MYPN: variants seen among roughly 807,000 people sequenced by gnomAD.
MYPN encodes sarcomeric protein myopalladin, 145 kDa (MYOP).
In MYPN, 63 loss-of-function variants were observed where a neutral mutation model predicts 129.4. The observed-to-expected ratio is 0.49, with a 90% CI of 0.40 to 0.60. MYPN has a LOEUF of 0.60. Among genes scored for constraint, MYPN ranks in the 20% least tolerant of loss-of-function variants. The probability of loss-of-function intolerance (pLI) is 0.00; values close to 1 mark genes in which losing one functional copy is unlikely to be tolerated. For synonymous variants in MYPN, 629 were observed against 600.9 expected, an observed-to-expected ratio of 1.05 and a Z score of -0.68; for missense variants, 1,596 against 1,635.4, an observed-to-expected ratio of 0.98 and a Z score of 0.42.
At chr10:68,115,277 A>G (rs1163201146) in intron 1 of MYPN, among the ~76,000 whole-genome samples, 2 of 151,790 alleles carry the variant, frequency 1.3e-5, no homozygotes, top group Non-Finnish European at 2.9e-5. Context: ...AAAAAAAAAA[A>G]AAAGTCAAAT....
intron 2 of MYPN, among the ~76,000 whole-genome samples, chr10:68,129,151 G>A (rs779485797): frequency 1.6e-4 from 24 of 152,064 alleles, no homozygotes; most frequent in African/African-American, 4.1e-4. Flanking sequence ...GCCACATCTC[G>A]GACCCACTGA....
chr10:68,179,088 C>T (rs1206128732), intron 12 of MYPN, among the ~76,000 whole-genome samples: 1 of 151,970 alleles, frequency 6.6e-6, no homozygotes, highest in Non-Finnish European at 1.5e-5. Flanking sequence ...CCTTTTGTTC[C>T]TCTAATCTCC....
chr10:68,182,325 TATATATAACACACACATATATAAC>T (rs1564686721), intron 12 of MYPN, among the ~76,000 whole-genome samples: 6 of 63,014 alleles, frequency 9.5e-5, no homozygotes, highest in African/African-American at 2.8e-4. Flanking sequence ...ATATATAACA[TATATATAACACACACATATATAAC>T]ATATATATAA....
chr10:68,211,922 G>C lies in MYPN; in HGVS notation c.*1467G>C, dbSNP rs551108204. 2.4e-6 allele frequency: 1 copy of C among 420,354 alleles called. No homozygotes were observed. The highest frequency in any genetic ancestry group is 1.7e-5 in the South Asian group (1 of 59,380). The allele number at this position is 420,354 out of a possible 1,614,324, so 26.0% of individuals were successfully genotyped here. On this transcript the variant is annotated 3_prime_UTR_variant, in exon 20 of 20. Transcript: ENST00000358913. The stretch of plus-strand genomic sequence containing the variant: ...AGCACACTCAGCTGGCATTGTATTT[G>C]TGTGAACAGACAGTAACTGCTTAGA...
intron 12 of MYPN, among the ~76,000 whole-genome samples, chr10:68,187,630 C>A (rs1406232615): frequency 1.3e-5 from 2 of 152,062 alleles, no homozygotes; most frequent in African/African-American, 2.4e-5. Flanking sequence ...CCATTAGACA[C>A]CATAATGTAG....
At chr10:68,166,830 A>C (rs1160564400) in intron 10 of MYPN, among the ~76,000 whole-genome samples, 164 bp downstream of exon 10, 1 of 151,990 alleles carries the variant, frequency 6.6e-6, no homozygotes, top group Non-Finnish European at 1.5e-5. Flanking sequence ...GGAATTCGAG[A>C]CCAGCCGGGG....
At chr10:68,091,367 T>A (rs1416692108) in intron 1 of MYPN, among the ~76,000 whole-genome samples, 1 of 150,840 alleles carries the variant, frequency 6.6e-6, no homozygotes, top group Non-Finnish European at 1.5e-5. Context: ...CATATATACA[T>A]ATATACCATC....
intron 3 of MYPN, 70 bp downstream of exon 3, chr10:68,143,185 T>C: frequency 6.8e-7 from 1 of 1,463,430 alleles, no homozygotes; most frequent in East Asian, 2.4e-5. Context: ...TAAATATTTA[T>C]TGAGGGCCTC....
At chr10:68,146,855 G>A (rs1462116692) in intron 4 of MYPN, among the ~76,000 whole-genome samples, 1 of 152,216 alleles carries the variant, frequency 6.6e-6, no homozygotes, top group Admixed American at 6.5e-5. Flanking sequence ...TTTGGGATAT[G>A]TAGTCTTTAT....
At chr10:68,105,542 T>C (rs1309981651), upstream of MYPN, among the ~76,000 whole-genome samples, 1 of 152,236 alleles carries the variant, frequency 6.6e-6, no homozygotes, top group Non-Finnish European at 1.5e-5. Flanking sequence ...TAAAAAGTTC[T>C]GAATAGATTT....
At chr10:68,097,506 A>G (rs1329185213) in intron 1 of MYPN, among the ~76,000 whole-genome samples, 1 of 152,190 alleles carries the variant, frequency 6.6e-6, no homozygotes, top group African/African-American at 2.4e-5. Context: ...AGTAATGATA[A>G]TAGTGGTGGT....
At chr10:68,092,693 T>C (rs2041936602) in intron 1 of MYPN, among the ~76,000 whole-genome samples, 1 of 152,228 alleles carries the variant, frequency 6.6e-6, no homozygotes, top group African/African-American at 2.4e-5. Flanking sequence ...ATGTGTTTTC[T>C]ATAAAATAAA....
Position 68,195,480 on chromosome 10 carries a change from G to A in MYPN, c.3106G>A (p.Val1036Ile). The A allele has an allele frequency of 1.2e-6, 2 of 1,614,002 alleles. No homozygotes were observed. The highest frequency in any genetic ancestry group is 1.7e-6 in the Non-Finnish European group (2 of 1,179,938). The change falls in exon 15 of 20, where the codon GTA becomes ATA. Residue 1036 changes from valine to isoleucine, a missense_variant. Coordinates refer to ENST00000358913, the MANE Select transcript of MYPN (RefSeq NM_032578.4). ...GRISCSGHLM[V>I]QSLPIRSRLT... ...AATCAGCTGTTCTGGCCACTTGATGGTACAAAGTTTGCCCATTCGCAGTCG... is the reference window on the plus strand; with the variant it reads ...AATCAGCTGTTCTGGCCACTTGATGATACAAAGTTTGCCCATTCGCAGTCG...
chr10:68,163,551 C>T (rs1343493897), intron 8 of MYPN, among the ~76,000 whole-genome samples: 4 of 152,072 alleles, frequency 2.6e-5, no homozygotes, highest in Admixed American at 2.0e-4. Context: ...ATGGTGTGAA[C>T]CCGGGAGGCA....
intron 12 of MYPN, among the ~76,000 whole-genome samples, chr10:68,184,899 G>A (rs1040581182): frequency 1.3e-5 from 2 of 152,170 alleles, no homozygotes; most frequent in African/African-American, 2.4e-5. Flanking sequence ...CTGTAGCATC[G>A]AGAGAGGAAA....
chr10:68,097,781 A>T (rs2041963502), intron 1 of MYPN, among the ~76,000 whole-genome samples: 1 of 130,290 alleles, frequency 7.7e-6, no homozygotes, highest in African/African-American at 4.2e-5. Flanking sequence ...CTGATTTAAA[A>T]AAAAAAAAAT....
chr10:68,149,584 C>A (rs1589557963), intron 5 of MYPN, among the ~76,000 whole-genome samples: 1 of 152,136 alleles, frequency 6.6e-6, no homozygotes, highest in Non-Finnish European at 1.5e-5. Flanking sequence ...CAGCTGTGAG[C>A]CACCATACCC....
chr10:68,095,809 C>T (rs994741411), intron 1 of MYPN, among the ~76,000 whole-genome samples: 1 of 151,904 alleles, frequency 6.6e-6, no homozygotes, highest in Non-Finnish European at 1.5e-5. Context: ...TTTAATTTTG[C>T]GAGATGAAAA....
At chr10:68,136,599 G>A in intron 2 of MYPN, 1 of 1,505,702 alleles carries the variant, frequency 6.6e-7, no homozygotes, top group Non-Finnish European at 8.8e-7. Flanking sequence ...TGTTTTTTTA[G>A]GCCTGCTGAG....
Sources: allele counts gnomAD v4.1 joint callset (sites outside exome capture counted in the v4.1 genomes callset), GRCh38; gene constraint gnomAD v4.1.1; transcripts MANE v1.5; gene names NCBI Gene and HGNC (gene_info 2026-07-23, HGNC 2026-07-21).